KCNB2: variants seen among roughly 807,000 people sequenced by gnomAD.
KCNB2 encodes potassium voltage-gated channel subfamily B member 2.
A neutral mutation model predicts 61.5 loss-of-function variants in KCNB2; 15 were observed. That is an observed-to-expected ratio of 0.24 (90% confidence interval 0.16 to 0.38). The LOEUF (loss-of-function observed/expected upper bound fraction) is 0.38. Ranked by LOEUF, KCNB2 falls within the 10% of genes least tolerant of loss-of-function variation. KCNB2 has a pLI of 1.00. For missense variants in KCNB2, 828 were observed against 1,125.2 expected (o/e 0.74, Z 3.78); for synonymous variants, 457 against 446.0 (o/e 1.02, Z -0.31).
intron 2 of KCNB2, among the ~76,000 whole-genome samples, chr8:72,915,100 G>T (rs531927953): frequency 6.6e-6 from 1 of 151,818 alleles, no homozygotes. Context: ...TAGAGACGGC[G>T]TTTCACCATG....
chr8:72,559,701 A>G (rs1037085266), intron 1 of KCNB2, among the ~76,000 whole-genome samples: 1 of 152,188 alleles, frequency 6.6e-6, no homozygotes, highest in Non-Finnish European at 1.5e-5. Context: ...GAAACAAACA[A>G]TATGTAGGAG....
chr8:72,592,509 C>T (rs1265063220), intron 2 of KCNB2, among the ~76,000 whole-genome samples: 1 of 151,248 alleles, frequency 6.6e-6, no homozygotes, highest in Non-Finnish European at 1.5e-5. Context: ...TAAAGTCTAC[C>T]TAAAATTATG....
intron 2 of KCNB2, among the ~76,000 whole-genome samples, chr8:72,908,090 T>A (rs1206935355): frequency 6.6e-6 from 1 of 152,212 alleles, no homozygotes; most frequent in Non-Finnish European, 1.5e-5. Context: ...TGACTTTTTC[T>A]TGGGTATTTT....
chr8:72,595,351 A>T, intron 2 of KCNB2, among the ~76,000 whole-genome samples: 1 of 144,856 alleles, frequency 6.9e-6, no homozygotes. Context: ...TTTAAGACAG[A>T]GTCTCACTTT....
intron 1 of KCNB2, among the ~76,000 whole-genome samples, chr8:72,544,939 G>C (rs1387451974): frequency 6.6e-6 from 1 of 152,162 alleles, no homozygotes; most frequent in East Asian, 1.9e-4. Flanking sequence ...TGATGAGATA[G>C]TCACATTGCT....
chr8:72,716,206 G>T (rs1411850004), intron 2 of KCNB2, among the ~76,000 whole-genome samples: 1 of 152,064 alleles, frequency 6.6e-6, no homozygotes, highest in Admixed American at 6.6e-5. Context: ...GGACCAGATG[G>T]ATTCACAGCC....
In KCNB2 at chr8:72,810,692, AC is replaced by A. The variant is rs546385850; in HGVS notation, c.580-125240del. On this transcript the variant is annotated intron_variant, in intron 2 of 2. Transcript: ENST00000523207. ...CTCAAGTTTTTGAAGGAGTTCCTCC[AC>A]CCTCCTTTAGTTACTTCCAAACATT... Among the ~76,000 whole-genome samples, 7 of 152,248 alleles carry A rather than the reference AC, an allele frequency of 4.6e-5. No individual in the cohort carries two copies. The South Asian group carries it at 1.0e-3, about 23-fold the overall frequency.
intron 2 of KCNB2, among the ~76,000 whole-genome samples, chr8:72,659,973 G>A (rs989476122): frequency 2.0e-5 from 3 of 152,008 alleles, no homozygotes; most frequent in African/African-American, 7.3e-5. Context: ...ATGTCTCCAA[G>A]GTATCCCTGT....
intron 2 of KCNB2, among the ~76,000 whole-genome samples, chr8:72,725,577 A>ATGTGTGTG (rs1397992108): frequency 1.5e-5 from 1 of 65,734 alleles, no homozygotes; most frequent in African/African-American, 7.6e-5. Context: ...ATATATATGT[A>ATGTGTGTG]TATATATATG....
chr8:72,556,046 C>G (rs916123712), intron 1 of KCNB2, among the ~76,000 whole-genome samples: 9 of 152,030 alleles, frequency 5.9e-5, no homozygotes, highest in African/African-American at 1.9e-4. Flanking sequence ...ATTTTCCACA[C>G]TGTTTTTCTC....
At chr8:72,575,405 A>T (rs572681496) in intron 2 of KCNB2, among the ~76,000 whole-genome samples, 1 of 152,234 alleles carries the variant, frequency 6.6e-6, no homozygotes, top group South Asian at 2.1e-4. Flanking sequence ...ACATGAGAAG[A>T]TGCTATTTTG....
chr8:72,740,094 C>A (rs552408762), intron 2 of KCNB2, among the ~76,000 whole-genome samples: 1 of 152,120 alleles, frequency 6.6e-6, no homozygotes, highest in Admixed American at 6.5e-5. Flanking sequence ...TCCTTGTGAA[C>A]GTATGTGTTG....
intron 2 of KCNB2, among the ~76,000 whole-genome samples, chr8:72,933,098 A>C (rs1436644408): frequency 6.6e-6 from 1 of 152,242 alleles, no homozygotes; most frequent in Admixed American, 6.5e-5. Flanking sequence ...GAATGGCTTA[A>C]GGGCTTGAAT....
At chr8:72,553,954 G>A (rs181934469) in intron 1 of KCNB2, among the ~76,000 whole-genome samples, 4 of 152,040 alleles carry the variant, frequency 2.6e-5, no homozygotes, top group Non-Finnish European at 5.9e-5. Flanking sequence ...TACAAATGGG[G>A]GCTAAGACTA....
At chr8:72,633,150 G>A (rs887263819) in intron 2 of KCNB2, among the ~76,000 whole-genome samples, 5 of 152,090 alleles carry the variant, frequency 3.3e-5, no homozygotes, top group African/African-American at 4.8e-5. Context: ...GGTTATTGGC[G>A]GAAAGAGGAG....
intron 2 of KCNB2, among the ~76,000 whole-genome samples, chr8:72,919,787 T>C (rs1806471901): frequency 1.3e-5 from 2 of 152,260 alleles, no homozygotes; most frequent in African/African-American, 2.4e-5. Context: ...TGTCATAATA[T>C]GCTCGGTGTA....
intron 2 of KCNB2, among the ~76,000 whole-genome samples, chr8:72,745,414 C>A (rs892160915): frequency 1.3e-5 from 2 of 152,048 alleles, no homozygotes; most frequent in African/African-American, 4.8e-5. Context: ...GACCAACTGG[C>A]CACAAATTCA....
chr8:72,930,224 G>A (rs2129008985), intron 2 of KCNB2, among the ~76,000 whole-genome samples: 2 of 151,670 alleles, frequency 1.3e-5, no homozygotes, highest in South Asian at 2.1e-4. Flanking sequence ...GTTGGTTCCA[G>A]GTCTTTGCTG....
intron 2 of KCNB2, among the ~76,000 whole-genome samples, chr8:72,690,804 A>T (rs1262983584): frequency 6.6e-6 from 1 of 152,242 alleles, no homozygotes; most frequent in East Asian, 1.9e-4. Context: ...TCTTTTCAGT[A>T]TGTTTTAATG....
Sources: allele counts gnomAD v4.1 joint callset (sites outside exome capture counted in the v4.1 genomes callset), GRCh38; gene constraint gnomAD v4.1.1; transcripts MANE v1.5; gene names NCBI Gene and HGNC (gene_info 2026-07-23, HGNC 2026-07-21).